STK31: variants seen among roughly 807,000 people sequenced by gnomAD.
The protein encoded by STK31 is serine/threonine-protein kinase 31.
A neutral mutation model predicts 129.7 loss-of-function variants in STK31; 89 were observed. That is an observed-to-expected ratio of 0.69 (90% CI 0.58 to 0.82). The LOEUF (loss-of-function observed/expected upper bound fraction) is 0.82. STK31 is among the 40% of genes least tolerant of loss of function. The pLI, the probability that STK31 is intolerant of heterozygous loss-of-function variation, is 0.00. For missense variants in STK31, 1,187 were observed against 1,176.4 expected, an observed-to-expected ratio of 1.01 and a Z score of -0.13; for synonymous variants, 448 against 395.3, an observed-to-expected ratio of 1.13 and a Z score of -1.58.
chr7:23,761,091 A>C (rs1379847459), intron 10 of STK31, among the ~76,000 whole-genome samples: 1 of 152,230 alleles, frequency 6.6e-6, no homozygotes, highest in Non-Finnish European at 1.5e-5. Flanking sequence ...TGTAAGATGA[A>C]AAGATGTAAA....
At chr7:23,801,735 G>A (rs1792382343) in intron 22 of STK31, among the ~76,000 whole-genome samples, 1 of 152,120 alleles carries the variant, frequency 6.6e-6, no homozygotes, top group East Asian at 1.9e-4. Context: ...GGAGGTTTAT[G>A]TCAGGGTTCA....
chr7:23,787,773 CACACACACAA>C (rs1287150429), intron 20 of STK31, among the ~76,000 whole-genome samples, 197 bp from the exon 21 acceptor site: 8 of 134,852 alleles, frequency 5.9e-5, no homozygotes, highest in Admixed American at 3.7e-4. Flanking sequence ...CACACACACA[CACACACACAA>C]ACACACACAG....
chr7:23,796,804 G>C (rs2128117910), intron 22 of STK31, among the ~76,000 whole-genome samples: 1 of 152,234 alleles, frequency 6.6e-6, no homozygotes, highest in South Asian at 2.1e-4. Flanking sequence ...CCAATTAAAA[G>C]ACACAGACTG....
At chr7:23,795,694 C>G (rs1791909112) in intron 22 of STK31, among the ~76,000 whole-genome samples, 2 of 152,184 alleles carry the variant, frequency 1.3e-5, no homozygotes, top group African/African-American at 2.4e-5. Flanking sequence ...GGCAGAGCTG[C>G]CCAAGGCTGT....
intron 23 of STK31, among the ~76,000 whole-genome samples, chr7:23,831,907 G>T (rs1050988711): frequency 6.6e-6 from 1 of 152,256 alleles, no homozygotes; most frequent in East Asian, 1.9e-4. Flanking sequence ...AAAGTGCTGG[G>T]ATTACAGGCA....
Position 23,769,093 on chromosome 7 carries a change from A to G in STK31, c.1515A>G (p.Lys505=). 6.2e-7 allele frequency: 1 copy of G among 1,613,336 alleles called. No homozygotes were observed. The highest frequency in any genetic ancestry group is 1.3e-5 in the African/African-American group (1 of 75,036). ...LKKFYDWKCD[K]REEFTSVRSE... Reference sequence around the variant, plus strand: ...AATTTTATGACTGGAAGTGTGATAAAAGAGAGGAGTTCACCAGTGTTAGAA... The same window carrying G: ...AATTTTATGACTGGAAGTGTGATAAGAGAGAGGAGTTCACCAGTGTTAGAA... The change falls in exon 12 of 24, where the codon AAA becomes AAG. Residue 505 remains lysine, a synonymous_variant. Transcript: ENST00000355870.
chr7:23,720,342 T>C (rs1015793776), intron 4 of STK31, among the ~76,000 whole-genome samples: 1 of 152,116 alleles, frequency 6.6e-6, no homozygotes, highest in Non-Finnish European at 1.5e-5. Context: ...AGATAAATAC[T>C]CAGATAAGTT....
chr7:23,735,734 A>T lies in STK31; in HGVS notation c.680A>T (p.Asp227Val). 6.2e-7 allele frequency: 1 copy of T among 1,614,014 alleles called. No individual in the cohort carries two copies. The highest frequency in any genetic ancestry group is 8.5e-7 in the Non-Finnish European group (1 of 1,180,014). The part of the protein sequence containing the change: ...RTDICEEKKL[D>V]PGQLVLRNLK... ...GACATCTGTGAGGAAAAAAAATTGG[A>T]TCCTGGTCAACTTGTTCTCAGGAAC... The change falls in exon 7 of 24, where the codon GAT (aspartate) becomes GTT (valine). Residue 227 changes from aspartate to valine, a missense_variant. Physicochemically the swap from Asp to Val is radical, Grantham distance 152. This residue lies in a region of STK31 where 975 missense variants were observed against 934.9 expected (regional missense o/e 1.04). Transcript: ENST00000355870.
Position 23,730,856 on chromosome 7 carries a change from T to TTATATATATATA in STK31, c.483+1619_483+1630dup, listed in dbSNP as rs201160478. ...TATATATGGTACTGTATATAAACAT[T>TTATATATATATA]TATATATATATATATATATATATTT... On this transcript the variant is annotated intron_variant, in intron 6 of 23. Transcript: ENST00000355870. Among the ~76,000 whole-genome samples, 30 of 75,224 alleles carry TTATATATATATA rather than the reference T, an allele frequency of 4.0e-4. 1 individual carries two copies. The highest frequency in any genetic ancestry group is 1.6e-3 in the South Asian group (3 of 1,854). 49.3% of individuals were successfully genotyped at this position (75,224 alleles called of 152,430 possible).
chr7:23,760,421 A>AT (rs985807673), intron 10 of STK31, among the ~76,000 whole-genome samples: 1 of 152,118 alleles, frequency 6.6e-6, no homozygotes, highest in African/African-American at 2.4e-5. Flanking sequence ...AAGGGATTTG[A>AT]TTTTGGTTAT....
chr7:23,748,533 C>T (rs1266241978), intron 8 of STK31, among the ~76,000 whole-genome samples: 2 of 152,176 alleles, frequency 1.3e-5, no homozygotes, highest in African/African-American at 4.8e-5. Context: ...CCTCTCCAGC[C>T]TCCCCTTCCA....
chr7:23,776,986 G>T (rs1337959215), intron 15 of STK31, among the ~76,000 whole-genome samples: 1 of 152,172 alleles, frequency 6.6e-6, no homozygotes, highest in Non-Finnish European at 1.5e-5. Context: ...TCTAAACACT[G>T]CTTTAGCTGT....
chr7:23,746,352 A>G (rs904187496), intron 8 of STK31, among the ~76,000 whole-genome samples: 6 of 152,166 alleles, frequency 3.9e-5, no homozygotes, highest in African/African-American at 7.2e-5. Flanking sequence ...CTATGCATTG[A>G]GGAGCCTGTC....
intron 15 of STK31, among the ~76,000 whole-genome samples, chr7:23,774,408 AGT>A (rs1790405713): frequency 1.3e-5 from 2 of 152,308 alleles, no homozygotes; most frequent in South Asian, 4.1e-4. Flanking sequence ...ACAGTGTAAA[AGT>A]GTTCCTATTT....
intron 8 of STK31, among the ~76,000 whole-genome samples, chr7:23,748,701 TC>T (rs1163243341): frequency 1.3e-5 from 2 of 152,232 alleles, no homozygotes. Context: ...TTTATGCTTT[TC>T]CTAATAACAT....
intron 22 of STK31, among the ~76,000 whole-genome samples, chr7:23,803,877 C>T (rs933446127): frequency 1.3e-5 from 2 of 152,068 alleles, no homozygotes; most frequent in Non-Finnish European, 2.9e-5. Flanking sequence ...TATCATGACA[C>T]CATTTGTATT....
At chr7:23,750,363 A>G (rs965429051) in intron 8 of STK31, among the ~76,000 whole-genome samples, 1 of 152,082 alleles carries the variant, frequency 6.6e-6, no homozygotes, top group Non-Finnish European at 1.5e-5. Flanking sequence ...TAGGAGTAGC[A>G]GTTTTCCCAG....
rs750459800 is a variant in STK31, at chr7:23,710,340, G to C, written c.50+5G>C. 5.6e-5 allele frequency: 90 copies of C among 1,613,396 alleles called. No homozygotes were observed. In the East Asian group the frequency reaches 1.9e-3, roughly 34 times the overall value. ...TTCCGCAACGGAAAGTGTGAGGTCA[G>C]TAGTAGTTTTTGTGGTACGTGCAGT... On this transcript the variant is annotated splice_donor_5th_base_variant and intron_variant, in intron 1 of 23. Transcript: ENST00000355870.
chr7:23,745,542 T>G (rs886897425), intron 8 of STK31, among the ~76,000 whole-genome samples: 8 of 151,568 alleles, frequency 5.3e-5, no homozygotes, highest in Admixed American at 5.3e-4. Flanking sequence ...TGGGAAAGTT[T>G]GTCCTTTGGG....
Sources: gnomAD v4.1 joint callset for allele counts (sites outside exome capture counted in the v4.1 genomes callset) on GRCh38, gnomAD v4.1.1 for gene constraint, gnomAD v4.1.1 regional missense constraint, MANE v1.5 for transcripts, NCBI Gene and HGNC (gene_info 2026-07-23, HGNC 2026-07-21) for gene names.